AMMECR1L: variants seen among roughly 807,000 people sequenced by gnomAD.
AMMECR1L encodes AMMECR1 like.
In AMMECR1L, 4 loss-of-function variants were observed where a neutral mutation model predicts 36.8. The ratio of observed to expected loss-of-function variants is 0.11; its 90% CI spans 0.05 to 0.25. The LOEUF (loss-of-function observed/expected upper bound fraction) is 0.25, where lower values mean the gene tolerates loss of function less well. AMMECR1L is among the 10% of genes least tolerant of loss of function. The pLI is 1.00. For synonymous variants in AMMECR1L, 147 were observed against 148.0 expected (o/e 0.99, Z 0.05); for missense variants, 232 against 392.1 (o/e 0.59, Z 3.45).
At chr2:127,872,192 GAA>G (rs369158538) in intron 3 of AMMECR1L, among the ~76,000 whole-genome samples, 2 of 84,776 alleles carry the variant, frequency 2.4e-5, no homozygotes, top group African/African-American at 4.2e-5. Context: ...GTCTCAAAAA[GAA>G]AAAAAAAAAA....
At position 127,873,176 on chromosome 2, in the gene AMMECR1L, G is replaced by A. The variant is rs377744414; in HGVS notation, c.407+652C>T. 12 of 985,320 alleles carry A rather than the reference G, an allele frequency of 1.2e-5. No homozygotes were observed. The highest frequency in any genetic ancestry group is 6.1e-5 in the Admixed American group (1 of 16,272). 61.0% of individuals were successfully genotyped at this position (985,320 alleles called of 1,614,324 possible). A position where few individuals can be genotyped will look rare whatever the true frequency, so the allele number is the denominator to read the frequency against. On this transcript the variant is annotated intron_variant, in intron 3 of 7. Transcript: ENST00000272647. This position sits in a 1 kb window ranked among gnomAD's most constrained non-coding sequence, Gnocchi z 5.2. ...ATGCTCTTCAAAGCCAGCTCAGAGC[G>A]GCTTCCAATTCTGAGGAAGAAGAAA... is the stretch of plus-strand genomic sequence containing the variant.
In AMMECR1L at chr2:127,874,562, G is replaced by A. The variant is rs895898868; in HGVS notation, c.-38-290C>T. ...AAGACAGGGTGGGGCACCAGCCAGC[G>A]TGAAGCTGGCTGAGGACATTTCCAG... On this transcript the variant is annotated intron_variant, in intron 2 of 7. Transcript: ENST00000272647. The surrounding 1 kb of genome is among the most constrained non-coding windows in gnomAD (Gnocchi z 5.2). 1.3e-5 allele frequency among the ~76,000 whole-genome samples: 2 copies of A among 152,206 alleles called. No individual in the cohort carries two copies. The highest frequency in any genetic ancestry group is 2.9e-5 in the Non-Finnish European group (2 of 68,040).
In AMMECR1L at chr2:127,873,895, C is replaced by T. The variant is rs1411675264; in HGVS notation, c.340G>A (p.Asp114Asn). Residue 114 changes from aspartate to asparagine, a missense_variant, in exon 3 of 8, where the codon GAC becomes AAC. Physicochemically the swap from Asp to Asn is conservative, Grantham distance 23. Transcript: ENST00000272647. The surrounding 1 kb of genome is among the most constrained non-coding windows in gnomAD (Gnocchi z 5.2). ...CCATAGAGGTGACAGTAGAGTACGT[C>T]GAAGCAGTAGCAGCACATCTCTGCA... ...VTAEMCCYCF[D>N]VLYCHLYGFP... is the part of the protein sequence containing the mutation. 1.9e-6 allele frequency: 3 copies of T among 1,614,144 alleles called. No individual in the cohort carries two copies. The highest frequency in any genetic ancestry group is 1.7e-6 in the Non-Finnish European group (2 of 1,180,036).
At chr2:127,879,739 C>T (rs115242707) in intron 2 of AMMECR1L, among the ~76,000 whole-genome samples, 175 of 152,216 alleles carry the variant, frequency 1.1e-3, no homozygotes, top group African/African-American at 4.0e-3. Context: ...AAGTAGTTCC[C>T]GACTCAGCTC....
At chr2:127,879,386 G>A (rs1334292215) in intron 2 of AMMECR1L, among the ~76,000 whole-genome samples, 1 of 152,150 alleles carries the variant, frequency 6.6e-6, no homozygotes, top group Admixed American at 6.6e-5. Context: ...TCCTGCTCCT[G>A]CATTTGTTAT....
intron 2 of AMMECR1L, among the ~76,000 whole-genome samples, chr2:127,877,336 A>ATT (rs71394702): frequency 7.2e-6 from 1 of 139,334 alleles, no homozygotes; most frequent in Non-Finnish European, 1.6e-5. Context: ...CAGCGCTAGA[A>ATT]TTTTTTTTTT....
chr2:127,883,497 G>A (rs948153595), intron 2 of AMMECR1L, among the ~76,000 whole-genome samples: 1 of 152,070 alleles, frequency 6.6e-6, no homozygotes, highest in Non-Finnish European at 1.5e-5. Context: ...CCTGTAGCAA[G>A]GTGCCACATT....
chr2:127,866,971 G>C lies in AMMECR1L; in HGVS notation c.750C>G (p.Asp250Glu), dbSNP rs376671393. The C allele has an allele frequency of 6.2e-7, 1 of 1,614,110 alleles. No homozygotes were observed. Among genetic ancestry groups the C allele is most frequent in the Non-Finnish European group, 8.5e-7 (1 of 1,180,042 alleles). The change falls in exon 7 of 8, where the codon GAC (aspartate) becomes GAG (glutamate). Residue 250 changes from aspartate (D) to glutamate (E), a missense_variant. Transcript: ENST00000272647. ...TAAAGCCACCTTTCCTGAGCAAGGA[G>C]TCTATTGTCTGGATCTGATCCCAGT... ...EQDWDQIQTI[D>E]SLLRKGGFKA... is the part of the protein sequence containing the mutation.
intron 2 of AMMECR1L, among the ~76,000 whole-genome samples, chr2:127,883,881 A>C (rs1573569817): frequency 6.6e-6 from 1 of 152,356 alleles, no homozygotes; most frequent in East Asian, 1.9e-4. Flanking sequence ...CCTAAAACTT[A>C]AGACAACCTC....
At position 127,865,052 on chromosome 2, in the gene AMMECR1L, T is replaced by C; in HGVS notation, c.*42A>G. 1.4e-6 allele frequency: 2 copies of C among 1,385,956 alleles called. No homozygotes were observed. The highest frequency in any genetic ancestry group is 2.0e-6 in the Non-Finnish European group (2 of 978,840). 85.9% of individuals were successfully genotyped at this position (1,385,956 alleles called of 1,614,324 possible). On this transcript the variant is annotated 3_prime_UTR_variant, in exon 8 of 8. Transcript: ENST00000272647. This position sits in a 1 kb window ranked among gnomAD's most constrained non-coding sequence, Gnocchi z 5.4. ...ATCTGCTCCAATGATGTCATAGCCATTGGTGGCCACGGGGGGGTGGGACTG... is the reference window on the plus strand; with the variant it reads ...ATCTGCTCCAATGATGTCATAGCCACTGGTGGCCACGGGGGGGTGGGACTG...
chr2:127,882,551 G>A (rs1691552949), intron 2 of AMMECR1L, among the ~76,000 whole-genome samples: 2 of 152,170 alleles, frequency 1.3e-5, no homozygotes, highest in African/African-American at 4.8e-5. Flanking sequence ...AACATTTGGT[G>A]TGTGAAAATT....
In AMMECR1L at chr2:127,862,639, G is replaced by A. The variant is rs1690515353; in HGVS notation, c.*2455C>T. The A allele has an allele frequency of 2.6e-5, 4 of 152,744 alleles. No individual in the cohort carries two copies. The highest frequency in any genetic ancestry group is 9.7e-5 in the African/African-American group (4 of 41,450). The allele number at this position is 152,744 out of a possible 1,614,324, so 9.5% of individuals were successfully genotyped here. A position where few individuals can be genotyped will look rare whatever the true frequency, so the allele number is the denominator to read the frequency against. On this transcript the variant is annotated 3_prime_UTR_variant, in exon 8 of 8. Coordinates refer to ENST00000272647, the MANE Select transcript of AMMECR1L (RefSeq NM_001199140.2). ...CCCTTGGTCGACTCCTGAGTCCCCT[G>A]ACAAAGCAAGAGGAACCCAAGCATT...
At position 127,879,287 on chromosome 2, in the gene AMMECR1L, T is replaced by C. The variant is rs560596071; in HGVS notation, c.-39+4916A>G. Among the ~76,000 whole-genome samples, 154 of 152,332 alleles carry C rather than the reference T, an allele frequency of 1.0e-3. 1 individual carries two copies. Among genetic ancestry groups the C allele is most frequent in the African/African-American group, 3.2e-3 (134 of 41,580 alleles). On this transcript the variant is annotated intron_variant, in intron 2 of 7. Coordinates refer to ENST00000272647, the MANE Select transcript of AMMECR1L (RefSeq NM_001199140.2). ...TCATGAATGATTTAGGACCAACCTT[T>C]GGTGCTGCACTCCTGATAGTGATGA...
Position 127,873,231 on chromosome 2 carries a change from T to G in AMMECR1L, c.407+597A>C. The G allele has an allele frequency of 1.0e-6, 1 of 985,498 alleles. No individual in the cohort carries two copies. The highest frequency in any genetic ancestry group is 1.2e-6 in the Non-Finnish European group (1 of 829,942). 61.0% of individuals were successfully genotyped at this position (985,498 alleles called of 1,614,324 possible). A position where few individuals can be genotyped will look rare whatever the true frequency, so the allele number is the denominator to read the frequency against. Reference sequence around the variant, plus strand: ...TAGCATGGAATTCTTCAGTTTACTTTATACATATTGCTTATTTAAGTCACT... The same window carrying G: ...TAGCATGGAATTCTTCAGTTTACTTGATACATATTGCTTATTTAAGTCACT... On this transcript the variant is annotated intron_variant, in intron 3 of 7. Coordinates refer to ENST00000272647, the MANE Select transcript of AMMECR1L (RefSeq NM_001199140.2). The surrounding 1 kb of genome is among the most constrained non-coding windows in gnomAD (Gnocchi z 5.2).
Position 127,864,670 on chromosome 2 carries a change from T to C in AMMECR1L, c.*424A>G, listed in dbSNP as rs1573532241. 1 of 154,318 alleles carries C rather than the reference T, an allele frequency of 6.5e-6. No individual in the cohort carries two copies. The highest frequency in any genetic ancestry group is 1.9e-4 in the East Asian group (1 of 5,316). 9.6% of individuals were successfully genotyped at this position (154,318 alleles called of 1,614,324 possible). On this transcript the variant is annotated 3_prime_UTR_variant, in exon 8 of 8. Coordinates refer to ENST00000272647, the MANE Select transcript of AMMECR1L (RefSeq NM_001199140.2). Reference sequence around the variant, plus strand: ...ACCTAAAAATGTTTCTTGGTCTCCGTTGCCCAGACTGCCAGGGGAATACAC... The same window carrying C: ...ACCTAAAAATGTTTCTTGGTCTCCGCTGCCCAGACTGCCAGGGGAATACAC...
At chr2:127,881,204 G>C (rs1691485818) in intron 2 of AMMECR1L, among the ~76,000 whole-genome samples, 1 of 151,900 alleles carries the variant, frequency 6.6e-6, no homozygotes, top group South Asian at 2.1e-4. Context: ...TTCAATGATA[G>C]AGCACTTTCA....
At chr2:127,870,142 C>T (rs1409729953) in intron 5 of AMMECR1L, among the ~76,000 whole-genome samples, 2 of 152,068 alleles carry the variant, frequency 1.3e-5, no homozygotes, top group East Asian at 3.9e-4. Context: ...CGGTGAAACC[C>T]CATCTCTACT....
intron 7 of AMMECR1L, among the ~76,000 whole-genome samples, chr2:127,866,533 G>A (rs943849203): frequency 1.2e-4 from 18 of 152,124 alleles, no homozygotes; most frequent in African/African-American, 3.9e-4. Flanking sequence ...TGTATCTCCT[G>A]CCGTCTGACT....
chr2:127,865,268 A>G lies in AMMECR1L; in HGVS notation c.822-63T>C. ...AACGCTTCATTTTGTAAAGTCACTC[A>G]GCAGAGAAAAACCAAAAGCTTATTC... On this transcript the variant is annotated intron_variant, in intron 7 of 7. Coordinates refer to ENST00000272647, the MANE Select transcript of AMMECR1L (RefSeq NM_001199140.2). This position sits in a 1 kb window ranked among gnomAD's most constrained non-coding sequence, Gnocchi z 5.4. 2.5e-6 allele frequency: 3 copies of G among 1,205,890 alleles called. No homozygotes were observed. The highest frequency in any genetic ancestry group is 3.5e-6 in the Non-Finnish European group (3 of 853,712). The allele number at this position is 1,205,890 out of a possible 1,614,324, so 74.7% of individuals were successfully genotyped here.
Sources: gnomAD v4.1 joint callset for allele counts (sites outside exome capture counted in the v4.1 genomes callset) on GRCh38, gnomAD v4.1.1 for gene constraint, Gnocchi (gnomAD v3.1) non-coding constraint, MANE v1.5 for transcripts, NCBI Gene and HGNC (gene_info 2026-07-23, HGNC 2026-07-21) for gene names.